Variants in PINX1 observed in about 807,000 individuals in gnomAD.
PINX1 encodes PIN2 (TERF1) interacting telomerase inhibitor 1.
Under a neutral mutation model 25.4 loss-of-function variants are expected in PINX1, and 34 were observed. That is an observed-to-expected ratio of 1.34 (90% CI 1.02 to 1.78). PINX1 has a LOEUF of 1.78. PINX1 is among the 40% of genes most tolerant of loss of function. The pLI is 0.00. For missense variants in PINX1, 592 were observed against 404.9 expected, an observed-to-expected ratio of 1.46 and a Z score of -3.97; for synonymous variants, 197 against 147.7, an observed-to-expected ratio of 1.33 and a Z score of -2.42.
At chr8:10,806,691 CAT>C (rs757719643) in intron 6 of PINX1, among the ~76,000 whole-genome samples, 12 of 152,226 alleles carry the variant, frequency 7.9e-5, no homozygotes, top group Admixed American at 3.9e-4. Flanking sequence ...ACAAGAGAAA[CAT>C]GTGAGGGAAC....
At chr8:10,800,138 A>G (rs1313882364) in intron 6 of PINX1, among the ~76,000 whole-genome samples, 1 of 152,140 alleles carries the variant, frequency 6.6e-6, no homozygotes, top group Non-Finnish European at 1.5e-5. Context: ...CATTTTTTCT[A>G]TCTCCACTGT....
At chr8:10,832,866 C>T in intron 3 of PINX1, 26 bp downstream of exon 3, 1 of 1,418,734 alleles carries the variant, frequency 7.0e-7, no homozygotes, top group South Asian at 1.2e-5. Context: ...TGCAAAGACA[C>T]CCAGGAGGCA....
At chr8:10,801,349 A>G (rs1802258794) in intron 6 of PINX1, among the ~76,000 whole-genome samples, 2 of 152,240 alleles carry the variant, frequency 1.3e-5, no homozygotes, top group Non-Finnish European at 2.9e-5. Flanking sequence ...GAAAATGATG[A>G]CTGCACATTT....
chr8:10,808,419 A>AT (rs1802523887), intron 6 of PINX1, among the ~76,000 whole-genome samples: 1 of 152,196 alleles, frequency 6.6e-6, no homozygotes, highest in Non-Finnish European at 1.5e-5. Context: ...GCGGAGCTTA[A>AT]TTTTTTTACA....
chr8:10,766,352 A>G (rs1801045682), intron 6 of PINX1, among the ~76,000 whole-genome samples: 1 of 152,200 alleles, frequency 6.6e-6, no homozygotes, highest in Admixed American at 6.5e-5. Context: ...CATCTTCATT[A>G]TGGGTTACAT....
chr8:10,811,760 G>C (rs373916125), intron 6 of PINX1, among the ~76,000 whole-genome samples: 1 of 152,114 alleles, frequency 6.6e-6, no homozygotes, highest in Non-Finnish European at 1.5e-5. Context: ...TTGGGGCTCG[G>C]GGCAGCTGGA....
At chr8:10,838,182 T>C (rs1369860192) in intron 1 of PINX1, among the ~76,000 whole-genome samples, 1 of 152,252 alleles carries the variant, frequency 6.6e-6, no homozygotes, top group East Asian at 1.9e-4. Flanking sequence ...GAATCATTCT[T>C]TGCTCAATCA....
chr8:10,806,097 G>T (rs56086707), intron 6 of PINX1, among the ~76,000 whole-genome samples: 2 of 42,526 alleles, frequency 4.7e-5, no homozygotes, highest in Admixed American at 2.2e-4. Context: ...TAGTGCTGAG[G>T]GGGTGACGGA....
intron 6 of PINX1, among the ~76,000 whole-genome samples, chr8:10,778,306 G>C (rs1341088748): frequency 6.6e-6 from 1 of 151,954 alleles, no homozygotes; most frequent in Non-Finnish European, 1.5e-5. Context: ...ATTCAACCTG[G>C]AATATCAATA....
intron 6 of PINX1, among the ~76,000 whole-genome samples, chr8:10,805,600 G>A (rs1273575495): frequency 1.6e-5 from 2 of 127,466 alleles, no homozygotes; most frequent in Non-Finnish European, 3.4e-5. Flanking sequence ...ACAGGAAGGG[G>A]CCACACTAGC....
intron 1 of PINX1, among the ~76,000 whole-genome samples, chr8:10,839,340 G>A (rs536455118): frequency 1.3e-5 from 2 of 152,364 alleles, no homozygotes; most frequent in African/African-American, 4.8e-5. Flanking sequence ...TGTGATTACA[G>A]TTTCAAGTGA....
intron 6 of PINX1, among the ~76,000 whole-genome samples, chr8:10,772,477 C>T (rs4240669): frequency 0.64 from 96,659 of 152,128 alleles, 31,742 homozygotes; most frequent in African/African-American, 0.79. Flanking sequence ...ACTGAAAACA[C>T]CCAGTGTTTT....
At chr8:10,810,663 A>G (rs1797480215) in intron 6 of PINX1, among the ~76,000 whole-genome samples, 1 of 152,226 alleles carries the variant, frequency 6.6e-6, no homozygotes, top group African/African-American at 2.4e-5. Flanking sequence ...CAAGGGAACT[A>G]CCGAGCATGT....
chr8:10,839,718 C>A lies in PINX1; in HGVS notation c.19+20G>T. On this transcript the variant is annotated intron_variant, in intron 1 of 6. Coordinates refer to ENST00000314787, the MANE Select transcript of PINX1 (RefSeq NM_017884.6). ...TCTTCACCAACGCGCCTGGGTCGGG[C>A]CTCCGCTTCCGACACTCACGTTCAG... is the stretch of plus-strand genomic sequence containing the variant. 6.2e-7 allele frequency: 1 copy of A among 1,600,028 alleles called. No individual in the cohort carries two copies. The highest frequency in any genetic ancestry group is 8.5e-7 in the Non-Finnish European group (1 of 1,173,358).
At chr8:10,826,685 C>A (rs925586872) in intron 4 of PINX1, among the ~76,000 whole-genome samples, 6 of 152,204 alleles carry the variant, frequency 3.9e-5, no homozygotes, top group Non-Finnish European at 8.8e-5. Context: ...AGAGCGGCGG[C>A]CGCTGCCACC....
chr8:10,834,189 T>A (rs1361260834), intron 2 of PINX1, among the ~76,000 whole-genome samples: 1 of 151,642 alleles, frequency 6.6e-6, no homozygotes, highest in Admixed American at 6.6e-5. Flanking sequence ...GCAAGTGAGG[T>A]GAAAAGAAGA....
At chr8:10,809,935 A>G (rs1462424222) in intron 6 of PINX1, among the ~76,000 whole-genome samples, 1 of 152,200 alleles carries the variant, frequency 6.6e-6, no homozygotes, top group Non-Finnish European at 1.5e-5. Context: ...GTTGCATAGG[A>G]GGTGTGCCGA....
At chr8:10,800,875 G>A (rs1232942089) in intron 6 of PINX1, among the ~76,000 whole-genome samples, 4 of 152,144 alleles carry the variant, frequency 2.6e-5, no homozygotes, top group Non-Finnish European at 4.4e-5. Context: ...TGATCCAGGC[G>A]CTCAGCTTAC....
At chr8:10,803,783 A>G (rs1309795060) in intron 6 of PINX1, among the ~76,000 whole-genome samples, 4 of 152,176 alleles carry the variant, frequency 2.6e-5, no homozygotes, top group Non-Finnish European at 5.9e-5. Context: ...TAGACTGAAA[A>G]ATACTCTTTT....
Sources: gnomAD v4.1 joint callset for allele counts (sites outside exome capture counted in the v4.1 genomes callset) on GRCh38, gnomAD v4.1.1 for gene constraint, MANE v1.5 for transcripts, NCBI Gene and HGNC (gene_info 2026-07-23, HGNC 2026-07-21) for gene names.